RBFOX1: variants seen among roughly 807,000 people sequenced by gnomAD.
RBFOX1 encodes the protein RNA binding protein fox-1 homolog 1.
Under a neutral mutation model 57.7 loss-of-function variants are expected in RBFOX1, and 8 were observed. That is an observed-to-expected ratio of 0.14 (90% CI 0.08 to 0.25). The LOEUF (loss-of-function observed/expected upper bound fraction) is 0.25, where lower values mean the gene tolerates loss of function less well. RBFOX1 is among the 10% of genes least tolerant of loss of function. The probability of loss-of-function intolerance (pLI) is 1.00; values close to 1 mark genes in which losing one functional copy is unlikely to be tolerated. For missense variants in RBFOX1, 611 were observed against 548.5 expected (o/e 1.11, Z -1.14); for synonymous variants, 326 against 222.4 (o/e 1.47, Z -4.15).
At chr16:7,335,718 C>T (rs761825566) in intron 4 of RBFOX1, among the ~76,000 whole-genome samples, 3 of 152,016 alleles carry the variant, frequency 2.0e-5, no homozygotes, top group Non-Finnish European at 2.9e-5. Context: ...GAAAGTTACT[C>T]ATACAGGATC....
At chr16:6,681,326 A>G (rs1206851143) in intron 3 of RBFOX1, among the ~76,000 whole-genome samples, 5 of 152,106 alleles carry the variant, frequency 3.3e-5, no homozygotes, top group Non-Finnish European at 7.3e-5. Flanking sequence ...TGGAAAAAAA[A>G]CAAAAAAATA....
intron 2 of RBFOX1, among the ~76,000 whole-genome samples, chr16:5,542,809 T>C (rs904535148): frequency 3.9e-5 from 6 of 152,198 alleles, no homozygotes; most frequent in Non-Finnish European, 5.9e-5. Context: ...TCCATACTCA[T>C]TAATAAGGCA....
rs117044975 is a variant in RBFOX1, at chr16:5,684,811, T to G, written c.318+85850T>G. On this transcript the variant is annotated intron_variant, in intron 3 of 19. Coordinates refer to the RBFOX1 transcript ENST00000641259. ...CTGTCCTGAGCTGTGTATCTCTACT[T>G]TAGGGTTGCTTGGGGGTATTTGGTT... is the stretch of plus-strand genomic sequence containing the variant. Among the ~76,000 whole-genome samples, 979 of 152,240 alleles carry G rather than the reference T, an allele frequency of 6.4e-3. 11 individuals carry two copies. The highest frequency in any genetic ancestry group is 9.3e-3 in the Non-Finnish European group (633 of 68,024).
chr16:7,543,895 A>AC (rs1567751498), intron 5 of RBFOX1, among the ~76,000 whole-genome samples: 1 of 151,680 alleles, frequency 6.6e-6, no homozygotes. Flanking sequence ...TAATTTTTGT[A>AC]TTTTTAGTAG....
chr16:5,900,550 C>G (rs2058281661), intron 4 of RBFOX1, among the ~76,000 whole-genome samples: 1 of 152,126 alleles, frequency 6.6e-6, no homozygotes, highest in African/African-American at 2.4e-5. Flanking sequence ...TTGTCTGGAC[C>G]CGTTCATCGC....
At chr16:7,490,356 C>T (rs937106127) in intron 4 of RBFOX1, among the ~76,000 whole-genome samples, 11 of 152,166 alleles carry the variant, frequency 7.2e-5, no homozygotes, top group African/African-American at 2.2e-4. Flanking sequence ...GGCTCTATCC[C>T]TGGCGAGATT....
intron 3 of RBFOX1, among the ~76,000 whole-genome samples, chr16:6,978,369 A>T (rs188696977): frequency 6.6e-6 from 1 of 152,212 alleles, no homozygotes; most frequent in Non-Finnish European, 1.5e-5. Context: ...AGATCTAATT[A>T]CTCATACAGA....
intron 4 of RBFOX1, among the ~76,000 whole-genome samples, chr16:7,087,285 G>T (rs912600728): frequency 6.6e-6 from 1 of 152,182 alleles, no homozygotes; most frequent in Non-Finnish European, 1.5e-5. Context: ...TGCCTCAAGA[G>T]GATCGGCCGC....
At chr16:6,110,694 G>C (rs1315132779) in intron 1 of RBFOX1, among the ~76,000 whole-genome samples, 1 of 152,148 alleles carries the variant, frequency 6.6e-6, no homozygotes, top group African/African-American at 2.4e-5. Context: ...CAGTCCTCAA[G>C]AACTGTATAA....
At chr16:5,358,378 A>G (rs1316989653) in intron 1 of RBFOX1, among the ~76,000 whole-genome samples, 1 of 150,438 alleles carries the variant, frequency 6.6e-6, no homozygotes, top group Non-Finnish European at 1.5e-5. Context: ...AGGGGTTAAG[A>G]CTTTAACACA....
At chr16:5,244,550 A>G (rs1028628072) in intron 1 of RBFOX1, among the ~76,000 whole-genome samples, 2 of 152,200 alleles carry the variant, frequency 1.3e-5, no homozygotes, top group South Asian at 2.1e-4. Context: ...CCATTTGAGC[A>G]CAGCTGGACT....
intron 1 of RBFOX1, among the ~76,000 whole-genome samples, chr16:6,272,436 A>C (rs2152677884): frequency 6.6e-6 from 1 of 152,310 alleles, no homozygotes; most frequent in South Asian, 2.1e-4. Context: ...AAAACTGCAA[A>C]ACTTTTTAAA....
chr16:5,728,864 G>A (rs1030223532), intron 3 of RBFOX1, among the ~76,000 whole-genome samples: 1 of 152,076 alleles, frequency 6.6e-6, no homozygotes, highest in Non-Finnish European at 1.5e-5. Flanking sequence ...GCCCATCCAG[G>A]CCAAAAGTCT....
intron 2 of RBFOX1, among the ~76,000 whole-genome samples, chr16:6,411,964 TCTA>T (rs533824786): frequency 9.9e-4 from 151 of 151,994 alleles, no homozygotes; most frequent in African/African-American, 3.5e-3. Flanking sequence ...AAACCCTGTC[TCTA>T]CTAAAAATAC....
intron 1 of RBFOX1, among the ~76,000 whole-genome samples, chr16:6,260,916 C>T (rs149555993): frequency 1.3e-3 from 198 of 152,214 alleles, no homozygotes; most frequent in Non-Finnish European, 2.3e-3. Context: ...AGAAAGCATG[C>T]ACTCTTTGAG....
At chr16:6,059,941 C>T (rs1408536551) in intron 1 of RBFOX1, among the ~76,000 whole-genome samples, 3 of 151,984 alleles carry the variant, frequency 2.0e-5, no homozygotes, top group African/African-American at 7.3e-5. Context: ...ACAACATCCC[C>T]CTATGTTTAC....
intron 2 of RBFOX1, among the ~76,000 whole-genome samples, chr16:6,652,283 T>A (rs2098602692): frequency 6.6e-6 from 1 of 152,108 alleles, no homozygotes; most frequent in African/African-American, 2.4e-5. Flanking sequence ...ATCCCATCTC[T>A]ACTAAAAATA....
Position 6,636,938 on chromosome 16 carries a change from CAT to C in RBFOX1, c.-63-17663_-63-17662del, listed in dbSNP as rs556697147. Among the ~76,000 whole-genome samples, 630 of 101,488 alleles carry C rather than the reference CAT, an allele frequency of 6.2e-3. 13 individuals are homozygous for C. The highest frequency in any genetic ancestry group is 0.031 in the African/African-American group (599 of 19,178). 66.6% of individuals were successfully genotyped at this position (101,488 alleles called of 152,430 possible). On this transcript the variant is annotated intron_variant, in intron 2 of 15. Transcript: ENST00000550418. ...TATGTATAAATTATGTATAAATATA[CAT>C]AAAATATACATAAAATATGTATATT...
intron 1 of RBFOX1, among the ~76,000 whole-genome samples, chr16:6,110,250 T>A (rs2096430873): frequency 6.6e-6 from 1 of 151,638 alleles, no homozygotes; most frequent in Non-Finnish European, 1.5e-5. Flanking sequence ...CCCTGGCTTC[T>A]TCTTTGTAGG....
Sources: allele counts gnomAD v4.1 joint callset (sites outside exome capture counted in the v4.1 genomes callset), GRCh38; gene constraint gnomAD v4.1.1; transcripts MANE v1.5; gene names NCBI Gene and HGNC (gene_info 2026-07-23, HGNC 2026-07-21).